FAXDC2: variants seen among roughly 807,000 people sequenced by gnomAD.
FAXDC2 encodes the protein fatty acid hydroxylase domain-containing protein 2.
A neutral mutation model predicts 40.9 loss-of-function variants in FAXDC2; 41 were observed. That is an observed-to-expected ratio of 1.00 (90% CI 0.78 to 1.30). The LOEUF is 1.30. Ranked by LOEUF, FAXDC2 falls within the 50% of genes most tolerant of loss-of-function variation. The pLI, the probability that FAXDC2 is intolerant of heterozygous loss-of-function variation, is 0.00. For synonymous variants in FAXDC2, 157 were observed against 149.3 expected (o/e 1.05, Z -0.38); for missense variants, 390 against 408.8 (o/e 0.95, Z 0.40).
chr5:154,832,217 T>A (rs74812775), intron 4 of FAXDC2, among the ~76,000 whole-genome samples: 1 of 103,406 alleles, frequency 9.7e-6, no homozygotes, highest in Non-Finnish European at 1.9e-5. Context: ...TTTACTTTTG[T>A]TTTTTTTTTT....
At chr5:154,847,989 G>C (rs1760640705) in intron 1 of FAXDC2, among the ~76,000 whole-genome samples, 1 of 151,264 alleles carries the variant, frequency 6.6e-6, no homozygotes, top group South Asian at 2.1e-4. Context: ...ACAGGTGCCT[G>C]CCACCACGCC....
intron 5 of FAXDC2, among the ~76,000 whole-genome samples, chr5:154,827,062 G>A (rs1221799862): frequency 6.6e-6 from 1 of 152,086 alleles, no homozygotes; most frequent in Non-Finnish European, 1.5e-5. Flanking sequence ...CCCAGCACTT[G>A]GGGAGTCCGA....
At chr5:154,827,260 G>T (rs1311969922) in intron 5 of FAXDC2, among the ~76,000 whole-genome samples, 1 of 150,564 alleles carries the variant, frequency 6.6e-6, no homozygotes, top group Non-Finnish European at 1.5e-5. Flanking sequence ...AGCCAAGATC[G>T]CAGTGCCACT....
Position 154,822,491 on chromosome 5 carries a change from G to C in FAXDC2, c.659C>G (p.Ala220Gly). ...TAPIGVISLYAHPIEHAVSNM... is the reference protein window; with the variant it reads ...TAPIGVISLYGHPIEHAVSNM... ...ACTCACTGCATGCTCTATAGGGTGGGCATAGAGAGAGATCACGCCAATGGG... is the reference window on the plus strand; with the variant it reads ...ACTCACTGCATGCTCTATAGGGTGGCCATAGAGAGAGATCACGCCAATGGG... Residue 220 changes from alanine to glycine, a missense_variant, in exon 7 of 9, where the codon GCC (alanine) becomes GGC (glycine). Transcript: ENST00000326080. 6.2e-7 allele frequency: 1 copy of C among 1,612,200 alleles called. No individual in the cohort carries two copies. The highest frequency in any genetic ancestry group is 8.5e-7 in the Non-Finnish European group (1 of 1,178,330).
Position 154,833,514 on chromosome 5 carries a change from TTG to T in FAXDC2, c.244+1109_244+1110del, listed in dbSNP as rs372428155. ...GCACGCACCACCACACCCAGCTAAT[TTG>T]TGTGTGTGTGTGTTTTTAGTGAAAA... On this transcript the variant is annotated intron_variant, in intron 4 of 8. Coordinates refer to ENST00000326080, the MANE Select transcript of FAXDC2 (RefSeq NM_032385.5). Among the ~76,000 whole-genome samples, 481 of 151,056 alleles carry T rather than the reference TTG, an allele frequency of 3.2e-3. 3 individuals are homozygous for T. Among genetic ancestry groups the T allele is most frequent in the African/African-American group, 0.011 (468 of 41,128 alleles).
chr5:154,833,052 T>C (rs1285691998), intron 4 of FAXDC2, among the ~76,000 whole-genome samples: 1 of 152,160 alleles, frequency 6.6e-6, no homozygotes, highest in Non-Finnish European at 1.5e-5. Flanking sequence ...TTTTTTTTTT[T>C]TTGAGACAGG....
intron 4 of FAXDC2, among the ~76,000 whole-genome samples, chr5:154,832,480 C>T (rs889015636): frequency 7.9e-5 from 12 of 152,082 alleles, no homozygotes; most frequent in Admixed American, 3.3e-4. Context: ...GGATTACAGG[C>T]GTGAGCCACT....
intron 6 of FAXDC2, 62 bp downstream of exon 6, chr5:154,823,325 G>A: frequency 6.6e-7 from 1 of 1,509,792 alleles, no homozygotes; most frequent in Admixed American, 1.7e-5. Flanking sequence ...CAGTTTCCTT[G>A]TTGATCAGTG....
At chr5:154,825,076 A>AG (rs1217247465) in intron 5 of FAXDC2, among the ~76,000 whole-genome samples, 1 of 151,074 alleles carries the variant, frequency 6.6e-6, no homozygotes, top group East Asian at 1.9e-4. Context: ...AAAAAAAAAA[A>AG]AAAAAGGGCC....
intron 1 of FAXDC2, among the ~76,000 whole-genome samples, chr5:154,845,094 T>C (rs925755613): frequency 6.6e-6 from 1 of 152,360 alleles, no homozygotes; most frequent in Admixed American, 6.5e-5. Flanking sequence ...TACGCCAATA[T>C]GGCCATATGC....
intron 2 of FAXDC2, among the ~76,000 whole-genome samples, chr5:154,836,784 C>T (rs938838526): frequency 2.6e-5 from 4 of 152,154 alleles, no homozygotes; most frequent in African/African-American, 9.7e-5. Flanking sequence ...AAGCAATTCT[C>T]CTGCCTTAGC....
chr5:154,821,497 C>T, intron 7 of FAXDC2, 71 bp from the exon 8 acceptor site: 1 of 1,284,786 alleles, frequency 7.8e-7, no homozygotes, highest in Non-Finnish European at 1.1e-6. Context: ...TACACTTAGT[C>T]CCAAGGTGGT....
rs776413264 is a variant in FAXDC2, at chr5:154,820,388, C to G, written c.930G>C (p.Glu310Asp). ...TGAAGCCCAGCAGGAGGACATGTCT[C>G]TCGTAGGCCTTGGTCTGCTTGAACA... is the stretch of plus-strand genomic sequence containing the variant. Reference protein sequence around the residue: ...DTMFKQTKAYERHVLLLGFTP... With the variant: ...DTMFKQTKAYDRHVLLLGFTP... Residue 310 changes from glutamate to aspartate, a missense_variant, in exon 9 of 9, where the codon GAG becomes GAC. Glu to Asp is a conservative substitution (Grantham distance 45). Transcript: ENST00000326080. The G allele has an allele frequency of 3.4e-5, 55 of 1,613,022 alleles. No homozygotes were observed. In the East Asian group the frequency reaches 1.1e-3, roughly 33 times the overall value.
intron 5 of FAXDC2, among the ~76,000 whole-genome samples, chr5:154,826,251 G>C (rs181991772): frequency 6.6e-6 from 1 of 152,248 alleles, no homozygotes; most frequent in Admixed American, 6.5e-5. Context: ...TGGGGAGCCG[G>C]GCGCGGTGGC....
chr5:154,818,933 G>A lies in FAXDC2; in HGVS notation c.*1383C>T, dbSNP rs557343148. 19 of 152,392 alleles carry A rather than the reference G, an allele frequency of 1.2e-4. 1 individual carries two copies. The East Asian group carries it at 3.5e-3, about 28-fold the overall frequency. 9.4% of individuals were successfully genotyped at this position (152,392 alleles called of 1,614,324 possible). On this transcript the variant is annotated 3_prime_UTR_variant, in exon 9 of 9. Transcript: ENST00000326080. Reference sequence around the variant, plus strand: ...TAGGGAGGGAGCCAGGTCCACCAAGGCCAGAGACAGACAGGCGAGACTGTG... The same window carrying A: ...TAGGGAGGGAGCCAGGTCCACCAAGACCAGAGACAGACAGGCGAGACTGTG...
intron 1 of FAXDC2, 126 bp from the exon 2 acceptor site, chr5:154,838,304 G>T: frequency 1.3e-6 from 1 of 783,730 alleles, no homozygotes; most frequent in South Asian, 1.6e-5. Flanking sequence ...TTGGCTTGTT[G>T]TTCTTCCTGA....
intron 1 of FAXDC2, among the ~76,000 whole-genome samples, chr5:154,844,797 AAGAAGACAGC>A (rs1227485089): frequency 2.0e-5 from 3 of 152,202 alleles, no homozygotes; most frequent in Non-Finnish European, 4.4e-5. Context: ...TTGGCTCTGG[AAGAAGACAGC>A]TCTGGTTCAC....
intron 5 of FAXDC2, chr5:154,824,621 G>GGGT (rs1361607368): frequency 5.7e-6 from 4 of 701,476 alleles, no homozygotes; most frequent in Non-Finnish European, 7.8e-6. Flanking sequence ...CCAAGAGGCG[G>GGGT]GGTATCACAT....
rs1350061378 is a variant in FAXDC2, at chr5:154,822,513, T to C, written c.637A>G (p.Ile213Val). ...TGGGCATAGAGAGAGATCACGCCAA[T>C]GGGAGCTGTCCACTCATGGTGTTTC... is the stretch of plus-strand genomic sequence containing the variant. ...HKKHHEWTAPIGVISLYAHPI... is the reference protein window; with the variant it reads ...HKKHHEWTAPVGVISLYAHPI... Residue 213 changes from isoleucine to valine, a missense_variant, in exon 7 of 9, where the codon ATT becomes GTT. Physicochemically the swap from Ile to Val is conservative, Grantham distance 29. Transcript: ENST00000326080. 3 of 1,614,048 alleles carry C rather than the reference T, an allele frequency of 1.9e-6. No homozygotes were observed. The highest frequency in any genetic ancestry group is 4.5e-5 in the East Asian group (2 of 44,890).
Sources: gnomAD v4.1 joint callset for allele counts (sites outside exome capture counted in the v4.1 genomes callset) on GRCh38, gnomAD v4.1.1 for gene constraint, MANE v1.5 for transcripts, NCBI Gene and HGNC (gene_info 2026-07-23, HGNC 2026-07-21) for gene names.